INPP5D: variants seen among roughly 807,000 people sequenced by gnomAD.
The protein encoded by INPP5D is phosphatidylinositol 3,4,5-trisphosphate 5-phosphatase 1.
A neutral mutation model predicts 122.9 loss-of-function variants in INPP5D; 33 were observed. That is an observed-to-expected ratio of 0.27 (90% CI 0.20 to 0.36). The LOEUF (loss-of-function observed/expected upper bound fraction) is 0.36, where lower values mean the gene tolerates loss of function less well. INPP5D is among the 10% of genes least tolerant of loss of function. INPP5D has a pLI of 1.00. For missense variants in INPP5D, 1,053 were observed against 1,412.7 expected (o/e 0.75, Z 4.08); for synonymous variants, 584 against 576.2 (o/e 1.01, Z -0.19).
intron 2 of INPP5D, among the ~76,000 whole-genome samples, chr2:233,095,237 A>G (rs1416869959): frequency 6.6e-6 from 1 of 152,222 alleles, no homozygotes; most frequent in African/African-American, 2.4e-5. Context: ...GATAGATTAT[A>G]TACACAAGAT....
chr2:233,092,606 A>G (rs1305305850), intron 2 of INPP5D, among the ~76,000 whole-genome samples: 1 of 152,200 alleles, frequency 6.6e-6, no homozygotes, highest in Non-Finnish European at 1.5e-5. Flanking sequence ...CTGCATGTAA[A>G]TACAGGACCT....
intron 2 of INPP5D, among the ~76,000 whole-genome samples, chr2:233,092,179 G>A (rs1029131666): frequency 3.3e-5 from 5 of 152,222 alleles, no homozygotes; most frequent in African/African-American, 1.2e-4. Flanking sequence ...GGAGTGACTG[G>A]GGGCCCGAGC....
At position 233,189,724 on chromosome 2, in the gene INPP5D, G is replaced by A. The variant is rs1695003333; in HGVS notation, c.2359-126G>A. On this transcript the variant is annotated intron_variant, in intron 21 of 26. Transcript: ENST00000445964. The surrounding 1 kb of genome is among the most constrained non-coding windows in gnomAD (Gnocchi z 5.6). ...ATACCCCACCTGCTCTCTTGGGTATGGACAGCAGAGATTTAGATCTGATTA... is the reference window on the plus strand; with the variant it reads ...ATACCCCACCTGCTCTCTTGGGTATAGACAGCAGAGATTTAGATCTGATTA... 7.2e-7 allele frequency: 1 copy of A among 1,389,260 alleles called. No homozygotes were observed. 86.1% of individuals were successfully genotyped at this position (1,389,260 alleles called of 1,614,324 possible).
At chr2:233,095,898 A>C (rs1692127745) in intron 2 of INPP5D, among the ~76,000 whole-genome samples, 1 of 152,084 alleles carries the variant, frequency 6.6e-6, no homozygotes, top group South Asian at 2.1e-4. Context: ...TTATATATTT[A>C]TATTTGTTTT....
At chr2:233,166,670 C>T (rs1312715099) in intron 13 of INPP5D, among the ~76,000 whole-genome samples, 2 of 152,202 alleles carry the variant, frequency 1.3e-5, no homozygotes, top group Non-Finnish European at 2.9e-5. Flanking sequence ...GGCTCCCAGC[C>T]ATAATTAGCA....
At chr2:233,080,130 A>G (rs1253742834) in intron 2 of INPP5D, among the ~76,000 whole-genome samples, 2 of 152,024 alleles carry the variant, frequency 1.3e-5, no homozygotes, top group Admixed American at 1.3e-4. Flanking sequence ...GGGTTTCTCC[A>G]TGTTGGCCAG....
At chr2:233,131,002 C>A in intron 5 of INPP5D, 1 of 451,186 alleles carries the variant, frequency 2.2e-6, no homozygotes, top group Non-Finnish European at 4.0e-6. Context: ...AGCCATTACA[C>A]CTGACAAGCA....
intron 2 of INPP5D, among the ~76,000 whole-genome samples, chr2:233,101,633 A>G (rs925760451): frequency 6.9e-6 from 1 of 145,486 alleles, no homozygotes; most frequent in Non-Finnish European, 1.5e-5. Flanking sequence ...TATATATTAT[A>G]TTATTATTAA....
chr2:233,066,825 CTGGAATGCAA>C (rs1395656857), intron 1 of INPP5D, among the ~76,000 whole-genome samples: 2 of 151,960 alleles, frequency 1.3e-5, no homozygotes, highest in Non-Finnish European at 1.5e-5. Flanking sequence ...GTTGCCCAGG[CTGGAATGCAA>C]TGGTGTGTTC....
intron 25 of INPP5D, among the ~76,000 whole-genome samples, chr2:233,199,859 T>C (rs936115123): frequency 6.6e-6 from 1 of 152,118 alleles, no homozygotes; most frequent in Non-Finnish European, 1.5e-5. Context: ...TTTCTAGAGC[T>C]AGTTAACCTT....
intron 1 of INPP5D, among the ~76,000 whole-genome samples, chr2:233,068,806 A>G (rs902341883): frequency 2.4e-4 from 36 of 152,064 alleles, no homozygotes; most frequent in African/African-American, 8.5e-4. Context: ...GCACTCAGAG[A>G]GATGGAAGCA....
chr2:233,075,031 C>T (rs902164537), intron 1 of INPP5D, among the ~76,000 whole-genome samples: 1 of 151,914 alleles, frequency 6.6e-6, no homozygotes, highest in African/African-American at 2.4e-5. Context: ...TCTCGTACTA[C>T]ATCAGGGTTG....
chr2:233,155,949 A>T (rs919573033), intron 9 of INPP5D, among the ~76,000 whole-genome samples: 5 of 152,206 alleles, frequency 3.3e-5, no homozygotes, highest in Non-Finnish European at 7.4e-5. Flanking sequence ...AGGTTCTGTG[A>T]TTCCCTCAGA....
At chr2:233,144,963 T>C (rs1173180266) in intron 6 of INPP5D, among the ~76,000 whole-genome samples, 2 of 152,052 alleles carry the variant, frequency 1.3e-5, no homozygotes, top group Non-Finnish European at 2.9e-5. Context: ...GCAGCCTGGC[T>C]GCTATATTGA....
chr2:233,202,595 C>T (rs1695368451), intron 25 of INPP5D, among the ~76,000 whole-genome samples: 1 of 152,190 alleles, frequency 6.6e-6, no homozygotes, highest in African/African-American at 2.4e-5. Flanking sequence ...CTTCTCAGTG[C>T]ACATCCCATC....
chr2:233,060,998 A>G (rs1417322938), intron 1 of INPP5D, among the ~76,000 whole-genome samples: 1 of 152,186 alleles, frequency 6.6e-6, no homozygotes, highest in Non-Finnish European at 1.5e-5. Flanking sequence ...AACCCTGAGA[A>G]GAGCAAAGGT....
chr2:233,135,082 T>C (rs530418621), intron 5 of INPP5D, among the ~76,000 whole-genome samples: 2 of 116,646 alleles, frequency 1.7e-5, no homozygotes, highest in African/African-American at 7.2e-5. Flanking sequence ...CCAATTAATG[T>C]ATACAATAAA....
intron 2 of INPP5D, among the ~76,000 whole-genome samples, chr2:233,092,183 C>A: frequency 6.6e-6 from 1 of 152,200 alleles, no homozygotes; most frequent in South Asian, 2.1e-4. Context: ...TGACTGGGGG[C>A]CCGAGCTGCC....
chr2:233,146,298 A>T, intron 7 of INPP5D, 56 bp downstream of exon 7: 1 of 704,196 alleles, frequency 1.4e-6, no homozygotes, highest in Non-Finnish European at 2.6e-6. Flanking sequence ...CCCTCTTTGC[A>T]TGGAGAATGC....
Sources: allele counts gnomAD v4.1 joint callset (sites outside exome capture counted in the v4.1 genomes callset), GRCh38; gene constraint gnomAD v4.1.1; non-coding constraint Gnocchi (gnomAD v3.1); transcripts MANE v1.5; gene names NCBI Gene and HGNC (gene_info 2026-07-23, HGNC 2026-07-21).